Variants in IGSF3 observed in about 807,000 individuals in gnomAD.
IGSF3 encodes the protein glu-Trp-Ile EWI motif-containing protein 3.
Under a neutral mutation model 114.4 loss-of-function variants are expected in IGSF3, and 23 were observed. The ratio of observed to expected loss-of-function variants is 0.20; its 90% CI spans 0.14 to 0.28. The LOEUF is 0.28. Ranked by LOEUF, IGSF3 falls within the 10% of genes least tolerant of loss-of-function variation. The pLI is 1.00. For missense variants in IGSF3, 1,172 were observed against 1,591.5 expected, an observed-to-expected ratio of 0.74 and a Z score of 4.48; for synonymous variants, 571 against 645.2, an observed-to-expected ratio of 0.88 and a Z score of 1.74.
Position 116,608,226 on chromosome 1 carries a change from T to C in IGSF3, c.938A>G (p.Tyr313Cys), listed in dbSNP as rs1340406919. The change falls in exon 5 of 11, where the codon TAC becomes TGC. Residue 313 changes from tyrosine to cysteine, a missense_variant. Coordinates refer to ENST00000369486, the MANE Select transcript of IGSF3 (RefSeq NM_001007237.3). ...GTTGAAGGCCCAGGAGACAGCAAAG[T>C]AACGGTCGGGAACATTCTGAGCCTC... ...ILEAQNVPDR[Y>C]FAVSWAFNSS... 5.0e-6 allele frequency: 8 copies of C among 1,609,944 alleles called. No homozygotes were observed. Among genetic ancestry groups the C allele is most frequent in the Non-Finnish European group, 6.8e-6 (8 of 1,176,970 alleles).
In IGSF3 at chr1:116,657,124, CAA is replaced by C. The variant is rs994044257; in HGVS notation, c.43+9158_43+9159del. On this transcript the variant is annotated intron_variant, in intron 2 of 10. Transcript: ENST00000369486. This position sits in a 1 kb window ranked among gnomAD's most constrained non-coding sequence, Gnocchi z 4.2. ...AAGATTTCCTTTTGGGGGCGTTATACAAAAAAGACTGTAAAATTTCATTCTCT... is the reference window on the plus strand; with the variant it reads ...AAGATTTCCTTTTGGGGGCGTTATACAAAAGACTGTAAAATTTCATTCTCT... 6.6e-6 allele frequency among the ~76,000 whole-genome samples: 1 copy of C among 151,968 alleles called. No homozygotes were observed. The highest frequency in any genetic ancestry group is 1.5e-5 in the Non-Finnish European group (1 of 67,978).
At position 116,657,262 on chromosome 1, in the gene IGSF3, A is replaced by C. The variant is rs606604; in HGVS notation, c.43+9022T>G. 0.83 allele frequency among the ~76,000 whole-genome samples: 126,295 copies of C among 152,124 alleles called. 53,102 individuals carry two copies. The highest frequency in any genetic ancestry group is 0.94 in the African/African-American group (39,032 of 41,514). On this transcript the variant is annotated intron_variant, in intron 2 of 10. Coordinates refer to ENST00000369486, the MANE Select transcript of IGSF3 (RefSeq NM_001007237.3). This position sits in a 1 kb window ranked among gnomAD's most constrained non-coding sequence, Gnocchi z 4.2. ...CTCTGCATCTCCTTTCCTCTCCCTG[A>C]TGAAAAGTGCCACCTAGCAAGGTCA... is the stretch of plus-strand genomic sequence containing the variant.
intron 4 of IGSF3, among the ~76,000 whole-genome samples, chr1:116,609,772 A>G (rs1660941719): frequency 6.6e-6 from 1 of 151,950 alleles, no homozygotes; most frequent in African/African-American, 2.4e-5. Context: ...ATCCCGTCCT[A>G]GGCACTCTTC....
chr1:116,656,293 C>CTTT (rs56148691), intron 2 of IGSF3, among the ~76,000 whole-genome samples: 24 of 62,470 alleles, frequency 3.8e-4, no homozygotes, highest in South Asian at 9.1e-4. Flanking sequence ...TTTCTACATT[C>CTTT]TTTTTTTTTT....
chr1:116,617,179 A>C (rs1009350580), intron 2 of IGSF3: 1 of 454,792 alleles, frequency 2.2e-6, no homozygotes, highest in Non-Finnish European at 2.9e-6. Context: ...ACCTGTGACA[A>C]GGACAGTCAG....
rs762692562 is a variant in IGSF3 at position 116,579,887 on chromosome 1, G to T, written c.2849-10C>A. On this transcript the variant is annotated splice_polypyrimidine_tract_variant and intron_variant, in intron 9 of 10. Coordinates refer to ENST00000369486, the MANE Select transcript of IGSF3 (RefSeq NM_001007237.3). The surrounding 1 kb of genome is among the most constrained non-coding windows in gnomAD (Gnocchi z 6.4). ...ACCTGCAGGGAAGCATCTGGGGAAT[G>T]ACAAGGGACAAACAGGGAAGGGGTT... The T allele has an allele frequency of 5.0e-6, 8 of 1,586,660 alleles. No individual in the cohort carries two copies. The South Asian group carries it at 9.0e-5, about 18-fold the overall frequency.
rs1419891531 is a variant in IGSF3, at chr1:116,589,345, G to A, written c.2030-241C>T. The stretch of plus-strand genomic sequence containing the variant: ...CTCTCCCCTATCCACTGCCTGCACA[G>A]CCCACCATCACAGGGCCTCCAAGGG... On this transcript the variant is annotated intron_variant, in intron 7 of 10. Coordinates refer to ENST00000369486, the MANE Select transcript of IGSF3 (RefSeq NM_001007237.3). The surrounding 1 kb of genome is among the most constrained non-coding windows in gnomAD (Gnocchi z 5.7). Among the ~76,000 whole-genome samples the A allele has an allele frequency of 6.6e-6, 1 of 152,072 alleles. No individual in the cohort carries two copies.
intron 2 of IGSF3, among the ~76,000 whole-genome samples, chr1:116,630,752 G>A (rs1319316775): frequency 2.0e-5 from 3 of 152,224 alleles, no homozygotes; most frequent in Admixed American, 2.0e-4. Context: ...ATGGGCGTCA[G>A]GAAAGGCTTC....
rs536557034 is a variant in IGSF3, at chr1:116,621,159, CG to C, written c.44-4703del. ...CTCTCTCTTGCTCCTGCTTTGGCCA[CG>C]TAAGGCGCGCCTGCTTCCCCTTCAC... On this transcript the variant is annotated intron_variant, in intron 2 of 10. Transcript: ENST00000369486. Among the ~76,000 whole-genome samples, 31 of 152,258 alleles carry C rather than the reference CG, an allele frequency of 2.0e-4. No individual in the cohort carries two copies. The East Asian group carries it at 5.0e-3, about 25-fold the overall frequency.
chr1:116,590,207 G>A (rs1045110482), intron 7 of IGSF3, among the ~76,000 whole-genome samples: 36 of 151,912 alleles, frequency 2.4e-4, no homozygotes, highest in African/African-American at 8.0e-4. Flanking sequence ...CCTGTGGAGC[G>A]CCTCCCCAGC....
chr1:116,656,394 G>T (rs1162075572), intron 2 of IGSF3, among the ~76,000 whole-genome samples: 2 of 147,194 alleles, frequency 1.4e-5, no homozygotes, highest in Non-Finnish European at 3.0e-5. Flanking sequence ...TCCGCCTCCC[G>T]GGTTCACACC....
rs1172242182 is a variant in IGSF3 at position 116,654,768 on chromosome 1, C to A, written c.43+11516G>T. Among the ~76,000 whole-genome samples, 2 of 152,186 alleles carry A rather than the reference C, an allele frequency of 1.3e-5. No homozygotes were observed. The highest frequency in any genetic ancestry group is 4.8e-5 in the African/African-American group (2 of 41,426). On this transcript the variant is annotated intron_variant, in intron 2 of 10. Coordinates refer to ENST00000369486, the MANE Select transcript of IGSF3 (RefSeq NM_001007237.3). This position sits in a 1 kb window ranked among gnomAD's most constrained non-coding sequence, Gnocchi z 4.4. ...GTGTGAAATTCCCAATTCCCACACA[C>A]AAGCAACATCCCCAGCAGTAATAAG...
At position 116,625,674 on chromosome 1, in the gene IGSF3, C is replaced by T. The variant is rs1454992721; in HGVS notation, c.44-9217G>A. On this transcript the variant is annotated intron_variant, in intron 2 of 10. Coordinates refer to ENST00000369486, the MANE Select transcript of IGSF3 (RefSeq NM_001007237.3). The surrounding 1 kb of genome is among the most constrained non-coding windows in gnomAD (Gnocchi z 4.7). ...GACAGACCAAATTCACAGTCAAATG[C>T]GACAAGATGAGGGCCTGGCCTGGTT... is the stretch of plus-strand genomic sequence containing the variant. 1.3e-5 allele frequency among the ~76,000 whole-genome samples: 2 copies of T among 152,152 alleles called. No individual in the cohort carries two copies. The highest frequency in any genetic ancestry group is 4.8e-5 in the African/African-American group (2 of 41,432).
At position 116,593,037 on chromosome 1, in the gene IGSF3, G is replaced by C. The variant is rs933604839; in HGVS notation, c.2030-3933C>G. Among the ~76,000 whole-genome samples, 5 of 152,232 alleles carry C rather than the reference G, an allele frequency of 3.3e-5. No homozygotes were observed. Among genetic ancestry groups the C allele is most frequent in the Admixed American group, 3.3e-4 (5 of 15,286 alleles). ...CCCTGTGCACTCTATTCAAGGAGGA[G>C]CAAGTGCTCAGGTGTAGTGGATGAG... is the stretch of plus-strand genomic sequence containing the variant. On this transcript the variant is annotated intron_variant, in intron 7 of 10. Transcript: ENST00000369486. This position sits in a 1 kb window ranked among gnomAD's most constrained non-coding sequence, Gnocchi z 4.5.
Position 116,579,871 on chromosome 1 carries a change from G to A in IGSF3, c.2855C>T (p.Ser952Phe). 1.2e-6 allele frequency: 2 copies of A among 1,600,652 alleles called. No homozygotes were observed. Among genetic ancestry groups the A allele is most frequent in the Non-Finnish European group, 1.7e-6 (2 of 1,173,890 alleles). ...TALTVMRPDA[S>F]LQVDTVVPNA... ...GGGGACCACTGTGTCCACCTGCAGG[G>A]AAGCATCTGGGGAATGACAAGGGAC... Residue 952 changes from serine to phenylalanine, a missense_variant, in exon 10 of 11, where the codon TCC becomes TTC. This residue lies in a region of IGSF3 where 423 missense variants were observed against 509.8 expected (regional missense o/e 0.83). Transcript: ENST00000369486. This position sits in a 1 kb window ranked among gnomAD's most constrained non-coding sequence, Gnocchi z 6.4.
rs1258476540 is a variant in IGSF3 at position 116,583,238 on chromosome 1, A to G, written c.2848+1407T>C. 6.6e-6 allele frequency among the ~76,000 whole-genome samples: 1 copy of G among 152,204 alleles called. No homozygotes were observed. The highest frequency in any genetic ancestry group is 1.9e-4 in the East Asian group (1 of 5,202). On this transcript the variant is annotated intron_variant, in intron 9 of 10. Coordinates refer to ENST00000369486, the MANE Select transcript of IGSF3 (RefSeq NM_001007237.3). This position sits in a 1 kb window ranked among gnomAD's most constrained non-coding sequence, Gnocchi z 4.5. ...TCCATCTGGGAGCCTCAGTGTGCTG[A>G]CCTGCAGAATGGGAGGGAGTTGAGG...
Position 116,647,468 on chromosome 1 carries a change from G to T in IGSF3, c.43+18816C>A, listed in dbSNP as rs917941082. On this transcript the variant is annotated intron_variant, in intron 2 of 10. Transcript: ENST00000369486. This position sits in a 1 kb window ranked among gnomAD's most constrained non-coding sequence, Gnocchi z 4.6. ...GACCGGGGTGGCAACCCCTGGCTCT[G>T]CTCAACAATAATGACAACCACCATT... Among the ~76,000 whole-genome samples the T allele has an allele frequency of 3.3e-5, 5 of 152,222 alleles. No homozygotes were observed. Among genetic ancestry groups the T allele is most frequent in the African/African-American group, 1.2e-4 (5 of 41,458 alleles).
chr1:116,631,825 C>T (rs1296061965), intron 2 of IGSF3, among the ~76,000 whole-genome samples: 1 of 152,202 alleles, frequency 6.6e-6, no homozygotes, highest in Non-Finnish European at 1.5e-5. Context: ...TGATGGATGG[C>T]AAGCATTCAG....
Position 116,577,617 on chromosome 1 carries a change from C to A in IGSF3, c.3335-55G>T. 1.3e-6 allele frequency: 2 copies of A among 1,580,726 alleles called. No individual in the cohort carries two copies. Among genetic ancestry groups the A allele is most frequent in the South Asian group, 1.2e-5 (1 of 86,686 alleles). Reference sequence around the variant, plus strand: ...ATGAGGGCTGAGAACCTGGACTGCTCACATTTCCTTTTGAAGACCTCACCT... The same window carrying A: ...ATGAGGGCTGAGAACCTGGACTGCTAACATTTCCTTTTGAAGACCTCACCT... On this transcript the variant is annotated intron_variant, in intron 10 of 10. Transcript: ENST00000369486. The surrounding 1 kb of genome is among the most constrained non-coding windows in gnomAD (Gnocchi z 5.7).
Sources: allele counts gnomAD v4.1 joint callset (sites outside exome capture counted in the v4.1 genomes callset), GRCh38; gene constraint gnomAD v4.1.1; regional missense constraint gnomAD v4.1.1; non-coding constraint Gnocchi (gnomAD v3.1); transcripts MANE v1.5; gene names NCBI Gene and HGNC (gene_info 2026-07-23, HGNC 2026-07-21).